NFASC: variants seen among roughly 807,000 people sequenced by gnomAD.
NFASC encodes neurofascin, also known as neurofascin homolog.
Under a neutral mutation model 147.5 loss-of-function variants are expected in NFASC, and 43 were observed. That is an observed-to-expected ratio of 0.29 (90% CI 0.23 to 0.38). The LOEUF is 0.38. Ranked by LOEUF, NFASC falls within the 10% of genes least tolerant of loss-of-function variation. The pLI, the probability that NFASC is intolerant of heterozygous loss-of-function variation, is 1.00. For missense variants in NFASC, 1,320 were observed against 1,689.0 expected (o/e 0.78, Z 3.83); for synonymous variants, 622 against 665.5 (o/e 0.93, Z 1.01).
At chr1:204,938,580 C>A (rs1042047733) in intron 2 of NFASC, among the ~76,000 whole-genome samples, 3 of 152,172 alleles carry the variant, frequency 2.0e-5, no homozygotes, top group African/African-American at 7.2e-5. Flanking sequence ...TGGCCTCAAA[C>A]CAGGCAGTCT....
chr1:204,877,835 TCTC>T (rs1422864993), intron 1 of NFASC, among the ~76,000 whole-genome samples: 1 of 152,202 alleles, frequency 6.6e-6, no homozygotes, highest in African/African-American at 2.4e-5. Flanking sequence ...CCTAGCAACT[TCTC>T]CTGGTTCAAC....
chr1:204,974,184 C>T lies in NFASC; in HGVS notation c.1285C>T (p.Pro429Ser). 1 of 1,613,206 alleles carries T rather than the reference C, an allele frequency of 6.2e-7. No individual in the cohort carries two copies. ...TGCTTCTCTGGGAATTTCAGATGTG[C>T]CGCCTCGGATGCTGTCGCCCCGGAA... is the stretch of plus-strand genomic sequence containing the variant. ...ANAFVSVLDV[P>S]PRMLSPRNQL... is the part of the protein sequence containing the mutation. Residue 429 changes from proline to serine, a missense_variant, in exon 13 of 30, where the codon CCG (proline) becomes TCG (serine). Physicochemically the swap from Pro to Ser is moderately conservative, Grantham distance 74. This residue lies in a region of NFASC where 981 missense variants were observed against 1,289.5 expected (regional missense o/e 0.76). Transcript: ENST00000339876.
intron 1 of NFASC, among the ~76,000 whole-genome samples, chr1:204,843,652 C>T (rs1463410078): frequency 7.7e-6 from 1 of 129,082 alleles, no homozygotes; most frequent in African/African-American, 3.0e-5. Flanking sequence ...CCCTCCCTCC[C>T]TCCCTTCCTT....
At chr1:204,993,813 C>T (rs1026954133) in intron 24 of NFASC, 1 of 517,040 alleles carries the variant, frequency 1.9e-6, no homozygotes, top group Non-Finnish European at 3.9e-6. Context: ...AGCCCTACTT[C>T]TCAGCTTCGT....
rs1482611659 is a variant in NFASC, at chr1:204,954,632, T to C, written c.413-197T>C. Among the ~76,000 whole-genome samples the C allele has an allele frequency of 6.6e-6, 1 of 152,196 alleles. No individual in the cohort carries two copies. Among genetic ancestry groups the C allele is most frequent in the Non-Finnish European group, 1.5e-5 (1 of 68,020 alleles). ...CAGGAGACGGGAAAGGAGGGGAGCC[T>C]TGAAGATGCCTCCCTTCTCCTGCCT... On this transcript the variant is annotated intron_variant, in intron 6 of 29. Transcript: ENST00000339876. This position sits in a 1 kb window ranked among gnomAD's most constrained non-coding sequence, Gnocchi z 5.7.
At chr1:204,932,763 C>T (rs552007109) in intron 2 of NFASC, among the ~76,000 whole-genome samples, 4 of 152,284 alleles carry the variant, frequency 2.6e-5, no homozygotes, top group Admixed American at 1.3e-4. Context: ...TGGACGTTTA[C>T]AGATGTTTCC....
At chr1:204,877,692 G>T (rs1182646209) in intron 1 of NFASC, among the ~76,000 whole-genome samples, 4 of 152,078 alleles carry the variant, frequency 2.6e-5, no homozygotes, top group African/African-American at 9.7e-5. Flanking sequence ...ACTACATTTT[G>T]TTTATCCATT....
At chr1:204,941,895 A>G (rs1234411341) in intron 2 of NFASC, among the ~76,000 whole-genome samples, 1 of 152,120 alleles carries the variant, frequency 6.6e-6, no homozygotes, top group African/African-American at 2.4e-5. Context: ...ACCCAGGTCC[A>G]CAGCATGTGC....
chr1:205,002,082 C>T (rs1047689928), intron 26 of NFASC, among the ~76,000 whole-genome samples: 5 of 152,174 alleles, frequency 3.3e-5, no homozygotes, highest in Non-Finnish European at 4.4e-5. Context: ...CCCCTATTCA[C>T]CCTACAGCCT....
At position 205,020,548 on chromosome 1, in the gene NFASC, C is replaced by T. The variant is rs2096393661; in HGVS notation, c.*4009C>T. 6.6e-6 allele frequency: 1 copy of T among 152,270 alleles called. No individual in the cohort carries two copies. Among genetic ancestry groups the T allele is most frequent in the Non-Finnish European group, 1.5e-5 (1 of 68,088 alleles). The allele number at this position is 152,270 out of a possible 1,614,324, so 9.4% of individuals were successfully genotyped here. A position where few individuals can be genotyped will look rare whatever the true frequency, so the allele number is the denominator to read the frequency against. ...TTTAGGTAATTCCTGTTGGCAGCACCTAGAGAGAGCATCTGAGCTGAAGGA... is the reference window on the plus strand; with the variant it reads ...TTTAGGTAATTCCTGTTGGCAGCACTTAGAGAGAGCATCTGAGCTGAAGGA... On this transcript the variant is annotated 3_prime_UTR_variant, in exon 30 of 30. Coordinates refer to ENST00000339876, the MANE Select transcript of NFASC (RefSeq NM_001005388.3).
At chr1:204,836,183 G>C (rs1225440540) in intron 1 of NFASC, among the ~76,000 whole-genome samples, 1 of 151,964 alleles carries the variant, frequency 6.6e-6, no homozygotes, top group Non-Finnish European at 1.5e-5. Context: ...TGTGTGTGTG[G>C]TGCCTATGTT....
In NFASC at chr1:205,019,435, C is replaced by T. The variant is rs954010892; in HGVS notation, c.*2896C>T. The T allele has an allele frequency of 6.6e-6, 1 of 152,190 alleles. No homozygotes were observed. The highest frequency in any genetic ancestry group is 1.5e-5 in the Non-Finnish European group (1 of 68,044). The allele number at this position is 152,190 out of a possible 1,614,324, so 9.4% of individuals were successfully genotyped here. The stretch of plus-strand genomic sequence containing the variant: ...ACTAGGCTGCAATCCCACCTATATG[C>T]TCAGCCCTAAGAGCTGTGGTTTCCT... On this transcript the variant is annotated 3_prime_UTR_variant, in exon 30 of 30. Coordinates refer to ENST00000339876, the MANE Select transcript of NFASC (RefSeq NM_001005388.3).
intron 1 of NFASC, among the ~76,000 whole-genome samples, chr1:204,833,098 A>C (rs961131199): frequency 1.3e-5 from 2 of 152,240 alleles, no homozygotes; most frequent in Non-Finnish European, 2.9e-5. Context: ...GACATTGGTT[A>C]GATTGTGCCA....
intron 1 of NFASC, among the ~76,000 whole-genome samples, chr1:204,918,640 C>T (rs1349645911): frequency 5.6e-5 from 8 of 141,622 alleles, no homozygotes; most frequent in Non-Finnish European, 1.2e-4. Flanking sequence ...GGCTGGAGTG[C>T]AGTGGCATGA....
chr1:204,846,596 G>C (rs1677093138), intron 1 of NFASC, among the ~76,000 whole-genome samples: 1 of 152,000 alleles, frequency 6.6e-6, no homozygotes, highest in South Asian at 2.1e-4. Context: ...GGATTCCTAG[G>C]TGGGGGATGG....
At chr1:204,896,537 G>A (rs2083419923) in intron 1 of NFASC, among the ~76,000 whole-genome samples, 2 of 152,146 alleles carry the variant, frequency 1.3e-5, no homozygotes, top group African/African-American at 2.4e-5. Context: ...TCATAGGAAA[G>A]GCTGGTGATG....
intron 23 of NFASC, chr1:204,990,644 A>G (rs1023954090): frequency 2.0e-5 from 3 of 152,134 alleles, no homozygotes; most frequent in African/African-American, 7.2e-5. Flanking sequence ...ATAAAGTCCA[A>G]CTGGAGGGGA....
chr1:204,961,787 C>T (rs539636855), intron 8 of NFASC, among the ~76,000 whole-genome samples: 1 of 152,372 alleles, frequency 6.6e-6, no homozygotes, highest in Non-Finnish European at 1.5e-5. Flanking sequence ...ACTAATCCTT[C>T]TCTCATTTGT....
intron 2 of NFASC, among the ~76,000 whole-genome samples, chr1:204,935,092 G>C (rs1356767155): frequency 6.6e-6 from 1 of 152,178 alleles, no homozygotes; most frequent in Non-Finnish European, 1.5e-5. Context: ...AGAGCACTTA[G>C]GACGAGGACC....
Sources: gnomAD v4.1 joint callset for allele counts (sites outside exome capture counted in the v4.1 genomes callset) on GRCh38, gnomAD v4.1.1 for gene constraint, gnomAD v4.1.1 regional missense constraint, Gnocchi (gnomAD v3.1) non-coding constraint, MANE v1.5 for transcripts, NCBI Gene and HGNC (gene_info 2026-07-23, HGNC 2026-07-21) for gene names.